TLL1: variants seen among roughly 807,000 people sequenced by gnomAD.
TLL1 encodes tolloid like 1.
TLL1 carries 49 observed loss-of-function variants against 128.2 expected under a neutral mutation model. The observed-to-expected ratio is 0.38, with a 90% CI of 0.30 to 0.48. The LOEUF is 0.48. Ranked by LOEUF, TLL1 falls within the 20% of genes least tolerant of loss-of-function variation. The probability of loss-of-function intolerance (pLI) is 0.96; values close to 1 mark genes in which losing one functional copy is unlikely to be tolerated. For synonymous variants in TLL1, 454 were observed against 418.8 expected (o/e 1.08, Z -1.03); for missense variants, 1,123 against 1,242.0 (o/e 0.90, Z 1.44).
chr4:165,917,910 A>C (rs1012325334), intron 1 of TLL1, among the ~76,000 whole-genome samples: 1 of 152,130 alleles, frequency 6.6e-6, no homozygotes, highest in African/African-American at 2.4e-5. Flanking sequence ...ATTAGTAACT[A>C]ATTAAATTTT....
In TLL1 at chr4:166,066,691, T is replaced by C. The variant is rs543414442; in HGVS notation, c.2188+828T>C. Among the ~76,000 whole-genome samples the C allele has an allele frequency of 3.3e-5, 5 of 151,876 alleles. No individual in the cohort carries two copies. The South Asian group carries it at 1.0e-3, about 31-fold the overall frequency. On this transcript the variant is annotated intron_variant, in intron 16 of 20. Coordinates refer to ENST00000061240, the MANE Select transcript of TLL1 (RefSeq NM_012464.5). ...GAGATTTACAATGTCTAGGGTTTGT[T>C]TGGGGTTTTCAGTATAATTGAAGTT...
chr4:165,935,415 T>C (rs1056252949), intron 1 of TLL1, among the ~76,000 whole-genome samples: 1 of 152,348 alleles, frequency 6.6e-6, no homozygotes, highest in East Asian at 1.9e-4. Flanking sequence ...TTTAATGTAG[T>C]ACTAATTTAA....
At chr4:165,926,232 A>G (rs1733262422) in intron 1 of TLL1, among the ~76,000 whole-genome samples, 1 of 152,202 alleles carries the variant, frequency 6.6e-6, no homozygotes, top group African/African-American at 2.4e-5. Context: ...GAAGTACTAT[A>G]CCAGATAATG....
intron 1 of TLL1, among the ~76,000 whole-genome samples, chr4:165,980,182 G>A (rs1009469514): frequency 1.3e-5 from 2 of 151,390 alleles, no homozygotes; most frequent in South Asian, 4.2e-4. Context: ...GAATATGTTG[G>A]GCAGACACTC....
chr4:165,939,418 A>G (rs971138820), intron 1 of TLL1, among the ~76,000 whole-genome samples: 2 of 152,054 alleles, frequency 1.3e-5, no homozygotes, highest in African/African-American at 4.8e-5. Context: ...CTTGCATCTG[A>G]CTAGTGCATT....
chr4:165,876,028 A>G (rs1182963261), intron 1 of TLL1, among the ~76,000 whole-genome samples: 4 of 152,180 alleles, frequency 2.6e-5, no homozygotes, highest in African/African-American at 4.8e-5. Flanking sequence ...TTATTACCCT[A>G]ATCTTATTTC....
At chr4:166,097,379 G>A (rs1245528148) in intron 19 of TLL1, among the ~76,000 whole-genome samples, 1 of 152,088 alleles carries the variant, frequency 6.6e-6, no homozygotes, top group Non-Finnish European at 1.5e-5. Flanking sequence ...TTGTAATAGT[G>A]GCACCTCTAT....
intron 1 of TLL1, among the ~76,000 whole-genome samples, chr4:165,919,517 A>T (rs1020085254): frequency 6.6e-6 from 1 of 152,092 alleles, no homozygotes; most frequent in Middle Eastern, 3.2e-3. Context: ...AATATAATTC[A>T]TATAGTATAT....
chr4:165,908,582 CAA>C (rs575726410), intron 1 of TLL1, among the ~76,000 whole-genome samples: 50 of 63,520 alleles, frequency 7.9e-4, no homozygotes, highest in Admixed American at 8.5e-4. Context: ...GACCCTGTCT[CAA>C]AAAAAAAAAA....
intron 1 of TLL1, among the ~76,000 whole-genome samples, chr4:165,908,896 A>G (rs1036152746): frequency 5.9e-5 from 9 of 152,040 alleles, no homozygotes; most frequent in Non-Finnish European, 1.2e-4. Flanking sequence ...TGATGAACTG[A>G]TTGTAGGGCT....
intron 20 of TLL1, 99 bp downstream of exon 20, chr4:166,099,626 C>CAAA (rs34057891): frequency 2.0e-4 from 189 of 963,796 alleles, no homozygotes; most frequent in Non-Finnish European, 2.3e-4. Context: ...ATGCTTTTTG[C>CAAA]AAAAAAAAAA....
At chr4:165,876,989 A>G (rs1479499356) in intron 1 of TLL1, among the ~76,000 whole-genome samples, 1 of 152,208 alleles carries the variant, frequency 6.6e-6, no homozygotes, top group African/African-American at 2.4e-5. Context: ...TAGGAATTTA[A>G]TATGTTCTCA....
At chr4:166,074,302 T>A (rs1740922747) in intron 16 of TLL1, among the ~76,000 whole-genome samples, 2 of 150,596 alleles carry the variant, frequency 1.3e-5, no homozygotes. Flanking sequence ...CTGCTTGGAG[T>A]GCTATGAAAT....
rs1742385180 is a variant in TLL1, at chr4:166,103,672, TAA to T, written c.*2797_*2798del. On this transcript the variant is annotated 3_prime_UTR_variant, in exon 21 of 21. Coordinates refer to ENST00000061240, the MANE Select transcript of TLL1 (RefSeq NM_012464.5). ...TTTTATATTAATTCAACATTTGCCT[TAA>T]GTGTGTTGTTAAATGAAAGTACAGA... 6.6e-6 allele frequency: 1 copy of T among 151,972 alleles called. No individual in the cohort carries two copies. The highest frequency in any genetic ancestry group is 1.9e-4 in the East Asian group (1 of 5,146). 9.4% of individuals were successfully genotyped at this position (151,972 alleles called of 1,614,324 possible). A position where few individuals can be genotyped will look rare whatever the true frequency, so the allele number is the denominator to read the frequency against.
intron 9 of TLL1, among the ~76,000 whole-genome samples, chr4:166,026,305 C>T (rs1483097825): frequency 2.6e-5 from 4 of 152,086 alleles, no homozygotes; most frequent in Admixed American, 6.5e-5. Flanking sequence ...AGGAGAATCA[C>T]TTGAACCCGG....
chr4:165,933,447 G>C (rs1182304171), intron 1 of TLL1, among the ~76,000 whole-genome samples: 1 of 152,106 alleles, frequency 6.6e-6, no homozygotes, highest in Non-Finnish European at 1.5e-5. Flanking sequence ...AGACTGCACA[G>C]ACCGTCATCA....
At chr4:165,892,108 GA>G (rs1731448134) in intron 1 of TLL1, among the ~76,000 whole-genome samples, 1 of 152,176 alleles carries the variant, frequency 6.6e-6, no homozygotes, top group Non-Finnish European at 1.5e-5. Context: ...GAAGCAGGGG[GA>G]AAACCCCTTG....
At chr4:165,968,893 A>G (rs943077592) in intron 1 of TLL1, among the ~76,000 whole-genome samples, 1 of 151,942 alleles carries the variant, frequency 6.6e-6, no homozygotes, top group African/African-American at 2.4e-5. Context: ...ATTGTGGTTT[A>G]GAAAGCTACT....
Position 166,052,965 on chromosome 4 carries a change from G to GTGTGTGTATATATATATATATATATATA in TLL1, c.1525-2110_1525-2109insGTGTGTATATATATATATATATATATAT. Among the ~76,000 whole-genome samples, 48 of 99,698 alleles carry GTGTGTGTATATATATATATATATATATA rather than the reference G, an allele frequency of 4.8e-4. 2 individuals are homozygous for GTGTGTGTATATATATATATATATATATA. The highest frequency in any genetic ancestry group is 1.6e-3 in the African/African-American group (42 of 26,276). 65.4% of individuals were successfully genotyped at this position (99,698 alleles called of 152,430 possible). On this transcript the variant is annotated intron_variant, in intron 12 of 20. Transcript: ENST00000061240. ...TAAAGACTGAGATAAGAGGTTATGTGTATATATATATATATATTTGGCCAA... is the reference window on the plus strand; with the variant it reads ...TAAAGACTGAGATAAGAGGTTATGTGTGTGTGTATATATATATATATATATATATATATATATATATATATTTGGCCAA...
Sources: allele counts gnomAD v4.1 joint callset (sites outside exome capture counted in the v4.1 genomes callset), GRCh38; gene constraint gnomAD v4.1.1; transcripts MANE v1.5; gene names NCBI Gene and HGNC (gene_info 2026-07-23, HGNC 2026-07-21).